ASTN1: variants seen among roughly 807,000 people sequenced by gnomAD.
ASTN1 encodes the protein astrotactin 1, also known as astrotactin-1.
Under a neutral mutation model 140.7 loss-of-function variants are expected in ASTN1, and 41 were observed. The observed-to-expected ratio is 0.29, with a 90% confidence interval of 0.23 to 0.38. The LOEUF is 0.38. Among genes scored for constraint, ASTN1 ranks in the 10% least tolerant of loss-of-function variants. The probability of loss-of-function intolerance (pLI) is 1.00; values close to 1 mark genes in which losing one functional copy is unlikely to be tolerated. For missense variants in ASTN1, 1,479 were observed against 1,678.8 expected, an observed-to-expected ratio of 0.88 and a Z score of 2.08; for synonymous variants, 640 against 652.2, an observed-to-expected ratio of 0.98 and a Z score of 0.29.
At chr1:177,139,134 G>A (rs1682340619) in intron 1 of ASTN1, among the ~76,000 whole-genome samples, 1 of 152,154 alleles carries the variant, frequency 6.6e-6, no homozygotes, top group Non-Finnish European at 1.5e-5. Flanking sequence ...ACTTTTAGAT[G>A]AGCATAGCAT....
chr1:177,024,124 T>A (rs1166801772), intron 6 of ASTN1, among the ~76,000 whole-genome samples: 1 of 152,236 alleles, frequency 6.6e-6, no homozygotes, highest in Non-Finnish European at 1.5e-5. Context: ...TCCCCCTGGA[T>A]GAAAGTAAAT....
At chr1:176,899,259 C>T (rs1238196920) in intron 16 of ASTN1, among the ~76,000 whole-genome samples, 1 of 152,192 alleles carries the variant, frequency 6.6e-6, no homozygotes, top group East Asian at 1.9e-4. Flanking sequence ...TAAAGCTCAA[C>T]ATGTCATTGT....
chr1:176,977,264 A>C (rs1673406966), intron 8 of ASTN1, among the ~76,000 whole-genome samples: 1 of 152,260 alleles, frequency 6.6e-6, no homozygotes. Flanking sequence ...ATATTTAGCA[A>C]GTTTCACTAT....
intron 16 of ASTN1, among the ~76,000 whole-genome samples, chr1:176,915,533 C>A (rs1670441674): frequency 6.6e-6 from 1 of 152,124 alleles, no homozygotes; most frequent in Admixed American, 6.5e-5. Flanking sequence ...AAATCCTTTC[C>A]TGGATGCAGG....
intron 16 of ASTN1, among the ~76,000 whole-genome samples, chr1:176,913,054 C>T (rs1571499890): frequency 1.3e-5 from 2 of 152,216 alleles, no homozygotes; most frequent in African/African-American, 4.8e-5. Context: ...ATCTTGCTCT[C>T]CCCTGCTGGA....
At chr1:177,098,418 C>A (rs926650903) in intron 1 of ASTN1, among the ~76,000 whole-genome samples, 6 of 152,140 alleles carry the variant, frequency 3.9e-5, no homozygotes, top group Non-Finnish European at 8.8e-5. Flanking sequence ...AATACAGTGC[C>A]TGACACTTAG....
intron 1 of ASTN1, among the ~76,000 whole-genome samples, chr1:177,082,252 AG>A (rs1233881151): frequency 6.6e-6 from 1 of 152,278 alleles, no homozygotes; most frequent in East Asian, 1.9e-4. Flanking sequence ...TGTAAAGATG[AG>A]GACCCCAGGA....
At chr1:177,081,542 T>C (rs1679178955) in intron 1 of ASTN1, among the ~76,000 whole-genome samples, 1 of 152,126 alleles carries the variant, frequency 6.6e-6, no homozygotes, top group African/African-American at 2.4e-5. Flanking sequence ...AGGCAATATA[T>C]GCATGAAGTT....
chr1:176,893,697 T>A (rs1669366047), intron 17 of ASTN1, among the ~76,000 whole-genome samples: 1 of 152,216 alleles, frequency 6.6e-6, no homozygotes, highest in African/African-American at 2.4e-5. Flanking sequence ...AGCTCACTGC[T>A]GCGACTCCTG....
rs754478022 is a variant in ASTN1 at position 176,864,436 on chromosome 1, G to A, written c.3733C>T (p.Arg1245Cys). 3.3e-5 allele frequency: 53 copies of A among 1,613,968 alleles called. No homozygotes were observed. Among genetic ancestry groups the A allele is most frequent in the Middle Eastern group, 1.6e-4 (1 of 6,084 alleles). Residue 1245 changes from arginine (R) to cysteine (C), a missense_variant, in exon 23 of 23, where the codon CGC (arginine) becomes TGC (cysteine). Around this residue, in one of 3 missense-constraint regions of ASTN1, gnomAD observed 746 missense variants for 800.9 expected, o/e 0.93. Coordinates refer to ENST00000361833, the MANE Select transcript of ASTN1 (RefSeq NM_004319.3). ...LLQEPKISLR[R>C]SSLKYLGCRY... is the part of the protein sequence containing the mutation. ...CACCCCAGGTACTTGAGTGAGCTGC[G>A]CCGCAAGCTTATCTTGGGTTCCTGA...
chr1:176,866,505 G>C (rs140612034), intron 22 of ASTN1, among the ~76,000 whole-genome samples: 131 of 152,244 alleles, frequency 8.6e-4, no homozygotes, highest in African/African-American at 3.0e-3. Flanking sequence ...CAAGTTCATG[G>C]GAGGTGAAGA....
At chr1:177,111,509 T>C (rs949865920) in intron 1 of ASTN1, among the ~76,000 whole-genome samples, 3 of 152,134 alleles carry the variant, frequency 2.0e-5, no homozygotes, top group African/African-American at 7.2e-5. Flanking sequence ...CTCTTAAGAG[T>C]AGAAATCACT....
chr1:177,076,241 T>C (rs1440270170), intron 1 of ASTN1, among the ~76,000 whole-genome samples: 1 of 129,878 alleles, frequency 7.7e-6, no homozygotes, highest in South Asian at 2.4e-4. Flanking sequence ...ATTGTGCCAC[T>C]GCACTCCAGC....
chr1:177,030,661 T>A (rs554039541), intron 4 of ASTN1, 145 bp downstream of exon 4: 3 of 1,093,458 alleles, frequency 2.7e-6, no homozygotes, highest in East Asian at 5.0e-5. Context: ...TTTTGGTAAG[T>A]AGCATTTAAC....
intron 22 of ASTN1, among the ~76,000 whole-genome samples, chr1:176,865,595 A>T (rs1468572409): frequency 6.6e-6 from 1 of 152,022 alleles, no homozygotes; most frequent in Non-Finnish European, 1.5e-5. Flanking sequence ...GACTTGGAAA[A>T]CTCAATGAAG....
At chr1:176,974,299 T>C (rs1396564776) in intron 8 of ASTN1, among the ~76,000 whole-genome samples, 1 of 152,192 alleles carries the variant, frequency 6.6e-6, no homozygotes, top group African/African-American at 2.4e-5. Context: ...TAACTTTCAA[T>C]AACCTTGGGA....
chr1:177,017,562 C>T (rs1238729004), intron 7 of ASTN1, among the ~76,000 whole-genome samples: 3 of 152,216 alleles, frequency 2.0e-5, no homozygotes, highest in African/African-American at 7.2e-5. Flanking sequence ...GGATGCCCTC[C>T]TAAGCTAGAA....
At chr1:177,044,410 T>G (rs1315883315) in intron 2 of ASTN1, among the ~76,000 whole-genome samples, 2 of 152,112 alleles carry the variant, frequency 1.3e-5, no homozygotes, top group African/African-American at 4.8e-5. Context: ...AGTCTGTTAC[T>G]TAGGCCTGAT....
intron 16 of ASTN1, among the ~76,000 whole-genome samples, chr1:176,922,399 C>T (rs956824488): frequency 6.6e-6 from 1 of 151,852 alleles, no homozygotes; most frequent in African/African-American, 2.4e-5. Flanking sequence ...CTGACAGCTC[C>T]TTTGCACTTA....
Sources: gnomAD v4.1 joint callset for allele counts (sites outside exome capture counted in the v4.1 genomes callset) on GRCh38, gnomAD v4.1.1 for gene constraint, gnomAD v4.1.1 regional missense constraint, MANE v1.5 for transcripts, NCBI Gene and HGNC (gene_info 2026-07-23, HGNC 2026-07-21) for gene names.